The following CATSPERG variants were observed in gnomAD, a reference collection of about 807,000 sequenced individuals.
CATSPERG encodes the protein catsper channel auxiliary subunit gamma.
In CATSPERG, 115 loss-of-function variants were observed where a neutral mutation model predicts 145.0. The observed-to-expected ratio is 0.79, with a 90% CI of 0.68 to 0.93. The LOEUF (loss-of-function observed/expected upper bound fraction) is 0.93, where lower values mean the gene tolerates loss of function less well. CATSPERG is among the 40% of genes least tolerant of loss of function. The pLI is 0.00. For synonymous variants in CATSPERG, 588 were observed against 589.0 expected (o/e 1.00, Z 0.02); for missense variants, 1,296 against 1,490.1 (o/e 0.87, Z 2.14).
rs1279324985 is a variant in CATSPERG, at chr19:38,370,242, C to T, written c.3197C>T (p.Ala1066Val). The T allele has an allele frequency of 1.2e-6, 2 of 1,613,258 alleles. No homozygotes were observed. Among genetic ancestry groups the T allele is most frequent in the Admixed American group, 1.7e-5 (1 of 60,010 alleles). Residue 1066 changes from alanine to valine, a missense_variant, in exon 28 of 29, where the codon GCC becomes GTC. Ala to Val is a moderately conservative substitution (Grantham distance 64). Coordinates refer to ENST00000409235, the MANE Select transcript of CATSPERG (RefSeq NM_021185.5). The stretch of plus-strand genomic sequence containing the variant: ...GGGCTGCCACTCAGTCCCAAGCGGG[C>T]CCTTTTCATCATCATGGTGAGTGGC... Reference protein sequence around the residue: ...IHGLPLSPKRALFIIMVSASV... With the variant: ...IHGLPLSPKRVLFIIMVSASV...
chr19:38,343,599 G>T lies in CATSPERG; in HGVS notation c.344G>T (p.Arg115Leu). Reference protein sequence around the residue: ...CEEKPSEDLVRMGHLTGLKPL... With the variant: ...CEEKPSEDLVLMGHLTGLKPL... ...CCTCAGCCCTCTGAGGACCTGGTGC[G>T]CATGGGCCACCTGACGGGGCTAAAG... The change falls in exon 4 of 29, where the codon CGC becomes CTC. Residue 115 changes from arginine to leucine, a missense_variant. Transcript: ENST00000409235. The T allele has an allele frequency of 1.9e-6, 3 of 1,550,388 alleles. No individual in the cohort carries two copies. Among genetic ancestry groups the T allele is most frequent in the Non-Finnish European group, 2.6e-6 (3 of 1,146,446 alleles).
Position 38,367,190 on chromosome 19 carries a change from C to A in CATSPERG, c.2648C>A (p.Pro883His). The change falls in exon 23 of 29, where the codon CCC (proline) becomes CAC (histidine). Residue 883 changes from proline to histidine, a missense_variant. Coordinates refer to ENST00000409235, the MANE Select transcript of CATSPERG (RefSeq NM_021185.5). ...NLMVPVFIGCPPGKRLAFDIT... is the reference protein window; with the variant it reads ...NLMVPVFIGCHPGKRLAFDIT... ...ATGGTGCCAGTGTTCATTGGCTGCCCCCCAGGCAAGCGCCTGGCCTTCGAC... is the reference window on the plus strand; with the variant it reads ...ATGGTGCCAGTGTTCATTGGCTGCCACCCAGGCAAGCGCCTGGCCTTCGAC... 1 of 1,613,796 alleles carries A rather than the reference C, an allele frequency of 6.2e-7. No individual in the cohort carries two copies. Among genetic ancestry groups the A allele is most frequent in the Non-Finnish European group, 8.5e-7 (1 of 1,179,924 alleles).
chr19:38,361,286 C>T (rs1970339602), intron 16 of CATSPERG, among the ~76,000 whole-genome samples: 1 of 152,094 alleles, frequency 6.6e-6, no homozygotes, highest in African/African-American at 2.4e-5. Flanking sequence ...GTAATGATGC[C>T]TCCGGTCATC....
intron 13 of CATSPERG, among the ~76,000 whole-genome samples, chr19:38,359,131 T>C (rs928437049): frequency 2.6e-5 from 4 of 151,846 alleles, no homozygotes; most frequent in African/African-American, 7.3e-5. Context: ...ATTACAGGTG[T>C]GAACCACCAT....
At position 38,361,747 on chromosome 19, in the gene CATSPERG, C is replaced by T. The variant is rs773347571; in HGVS notation, c.1980C>T (p.Tyr660=). 1.2e-6 allele frequency: 2 copies of T among 1,610,944 alleles called. No individual in the cohort carries two copies. The highest frequency in any genetic ancestry group is 1.1e-5 in the South Asian group (1 of 90,774). ...SPQRYTRQER[Y]RARPPRVLER... is the part of the protein sequence containing the mutation. Reference sequence around the variant, plus strand: ...AGAGATACACGCGCCAGGAGCGCTACCGGGCGCGGCCGCCGCGCGTCCTGG... The same window carrying T: ...AGAGATACACGCGCCAGGAGCGCTATCGGGCGCGGCCGCCGCGCGTCCTGG... The change falls in exon 17 of 29, where the codon TAC becomes TAT. Residue 660 remains tyrosine, a synonymous_variant. Coordinates refer to ENST00000409235, the MANE Select transcript of CATSPERG (RefSeq NM_021185.5).
In CATSPERG at chr19:38,362,377, A is replaced by G; in HGVS notation, c.2159A>G (p.Asp720Gly). ...TGCCCCGCGCATCCGGTACCCCAGG[A>G]TTACTACTTCTTCTTGGCGAGCAAT... ...RWWANNKQDQ[D>G]YYFFLASNWR... Residue 720 changes from aspartate to glycine, a missense_variant and splice_region_variant, in exon 19 of 29, where the codon GAT becomes GGT. Transcript: ENST00000409235. The G allele has an allele frequency of 6.2e-7, 1 of 1,614,126 alleles. No individual in the cohort carries two copies. Among genetic ancestry groups the G allele is most frequent in the Non-Finnish European group, 8.5e-7 (1 of 1,180,014 alleles).
chr19:38,358,561 G>C lies in CATSPERG; in HGVS notation c.1496G>C (p.Ser499Thr). ...ATCTGGGGCAACTTCCTCCTGCAGA[G>C]GTGGGCCTCTACCACCCCTGGGTGG... ...IFIWGNFLLQ[S>T]SNKENFIYLA... Residue 499 changes from serine to threonine, a missense_variant and splice_region_variant, in exon 13 of 29, where the codon AGC (serine) becomes ACC (threonine). By Grantham distance (58) the Ser-to-Thr change is moderately conservative (BLOSUM62 1). Coordinates refer to ENST00000409235, the MANE Select transcript of CATSPERG (RefSeq NM_021185.5). The C allele has an allele frequency of 6.2e-7, 1 of 1,614,150 alleles. No homozygotes were observed. Among genetic ancestry groups the C allele is most frequent in the Non-Finnish European group, 8.5e-7 (1 of 1,180,002 alleles).
In CATSPERG at chr19:38,367,200, G is replaced by A; in HGVS notation, c.2658G>A (p.Lys886=). 6.2e-7 allele frequency: 1 copy of A among 1,613,808 alleles called. No individual in the cohort carries two copies. The highest frequency in any genetic ancestry group is 2.2e-5 in the East Asian group (1 of 44,852). Residue 886 remains lysine (K), a synonymous_variant, in exon 23 of 29, where the codon AAG becomes AAA. Transcript: ENST00000409235. ...VPVFIGCPPG[K]RLAFDITYTL... ...TGTTCATTGGCTGCCCCCCAGGCAAGCGCCTGGCCTTCGACATCACCTACA... is the reference window on the plus strand; with the variant it reads ...TGTTCATTGGCTGCCCCCCAGGCAAACGCCTGGCCTTCGACATCACCTACA...
In CATSPERG at chr19:38,367,786, G is replaced by A. The variant is rs183789468; in HGVS notation, c.2930+10G>A. 314 of 1,611,726 alleles carry A rather than the reference G, an allele frequency of 1.9e-4. No homozygotes were observed. The highest frequency in any genetic ancestry group is 2.4e-4 in the Non-Finnish European group (279 of 1,177,930). ...ACAGCCCCCTGGACAAGTAATCCCC[G>A]TGGGGTCCCACGTGTAATCCACCTT... On this transcript the variant is annotated intron_variant, in intron 25 of 28. Coordinates refer to ENST00000409235, the MANE Select transcript of CATSPERG (RefSeq NM_021185.5).
intron 1 of CATSPERG, chr19:38,336,692 G>A (rs767800831): frequency 5.0e-5 from 12 of 239,480 alleles, no homozygotes; most frequent in Non-Finnish European, 7.6e-5. Flanking sequence ...GGGTGCGATC[G>A]CAGGCAGAAG....
At chr19:38,361,914 G>A in intron 17 of CATSPERG, 53 bp downstream of exon 17, 2 of 1,512,892 alleles carry the variant, frequency 1.3e-6, no homozygotes, top group South Asian at 2.4e-5. Context: ...GGGCAGCCGG[G>A]AGCTGGCTTA....
In CATSPERG at chr19:38,352,352, C is replaced by A. The variant is rs1399039849; in HGVS notation, c.917C>A (p.Thr306Asn). 1.1e-5 allele frequency: 17 copies of A among 1,551,824 alleles called. No homozygotes were observed. The highest frequency in any genetic ancestry group is 3.3e-4 in the Middle Eastern group (2 of 5,998). ...TIYDTIATES[T>N]LFIRQNQLVY... ...TATGACACTATTGCCACCGAGAGCA[C>A]CCTCTTCATTCGGCAGAACCAGCTG... Residue 306 changes from threonine to asparagine, a missense_variant, in exon 8 of 29, where the codon ACC becomes AAC. By Grantham distance (65) the Thr-to-Asn change is moderately conservative. Coordinates refer to ENST00000409235, the MANE Select transcript of CATSPERG (RefSeq NM_021185.5).
Position 38,362,582 on chromosome 19 carries a change from C to T in CATSPERG, c.2356+8C>T, listed in dbSNP as rs1161007136. On this transcript the variant is annotated splice_region_variant and intron_variant, in intron 19 of 28. Transcript: ENST00000409235. ...GGACGCAGTCAGAACTCGGTCTGCG[C>T]GGGACCAGAGTGGAGCCCGAAGGGC... 4 of 1,612,474 alleles carry T rather than the reference C, an allele frequency of 2.5e-6. No individual in the cohort carries two copies. The highest frequency in any genetic ancestry group is 2.5e-6 in the Non-Finnish European group (3 of 1,179,464).
rs1969990353 is a variant in CATSPERG, at chr19:38,344,348, C to T, written c.649C>T (p.Gln217Ter). ...GAAGAGAGACCGGGACAATAACATCCAATTCACTGTGGGAGAGGAGGTGAG... is the reference window on the plus strand; with the variant it reads ...GAAGAGAGACCGGGACAATAACATCTAATTCACTGTGGGAGAGGAGGTGAG... Reference protein sequence around the residue: ...FLKRDRDNNIQFTVGEELFNL... With the variant: ...FLKRDRDNNI Residue 217 changes from glutamine (Q) to a stop codon, truncating the protein, a stop_gained, in exon 6 of 29, where the codon CAA becomes TAA. Coordinates refer to ENST00000409235, the MANE Select transcript of CATSPERG (RefSeq NM_021185.5). LOFTEE classifies it high-confidence loss of function. 1 of 1,551,718 alleles carries T rather than the reference C, an allele frequency of 6.4e-7. No homozygotes were observed. The highest frequency in any genetic ancestry group is 1.2e-5 in the South Asian group (1 of 84,046).
intron 11 of CATSPERG, chr19:38,357,985 G>T (rs1360293995): frequency 8.5e-6 from 3 of 353,940 alleles, no homozygotes; most frequent in Non-Finnish European, 1.0e-5. Flanking sequence ...CATGGTGGTG[G>T]TGTGCGCCTA....
chr19:38,362,107 TG>T, intron 17 of CATSPERG, 102 bp from the exon 18 acceptor site: 1 of 1,308,140 alleles, frequency 7.6e-7, no homozygotes, highest in Non-Finnish European at 1.1e-6. Flanking sequence ...TGCTCTGGGT[TG>T]GGGGCTGGCT....
chr19:38,370,015 C>A lies in CATSPERG; in HGVS notation c.3064C>A (p.Gln1022Lys). The change falls in exon 27 of 29, where the codon CAA (glutamine) becomes AAA (lysine). Residue 1022 changes from glutamine (Q) to lysine (K), a missense_variant. Transcript: ENST00000409235. ...ENAPCYDNVP[Q>K]GIFAPEFFFK... ...TGCCCCATGCTATGACAATGTTCCC[C>A]AAGGCATCTTTGCCCCTGAATTCTT... The A allele has an allele frequency of 6.2e-7, 1 of 1,614,208 alleles. No individual in the cohort carries two copies. The highest frequency in any genetic ancestry group is 8.5e-7 in the Non-Finnish European group (1 of 1,180,028).
chr19:38,351,266 C>G (rs1949691041), intron 7 of CATSPERG, among the ~76,000 whole-genome samples: 1 of 151,490 alleles, frequency 6.6e-6, no homozygotes, highest in Admixed American at 6.6e-5. Flanking sequence ...GAGTTCAAGA[C>G]CAGGGCAATG....
intron 7 of CATSPERG, among the ~76,000 whole-genome samples, chr19:38,351,664 C>T (rs559315053): frequency 6.8e-6 from 1 of 147,090 alleles, no homozygotes; most frequent in African/African-American, 2.5e-5. Flanking sequence ...TCCAGCTACT[C>T]GGGAGGCTGA....
Sources: allele counts gnomAD v4.1 joint callset (sites outside exome capture counted in the v4.1 genomes callset), GRCh38; gene constraint gnomAD v4.1.1; transcripts MANE v1.5; gene names NCBI Gene and HGNC (gene_info 2026-07-23, HGNC 2026-07-21).